The following PCDHGA10 variants were observed in gnomAD, a reference collection of about 807,000 sequenced individuals.
PCDHGA10 encodes protocadherin gamma subfamily A, 10.
PCDHGA10 carries 42 observed loss-of-function variants against 59.5 expected under a neutral mutation model. That is an observed-to-expected ratio of 0.71 (90% CI 0.55 to 0.91). The LOEUF is 0.91. Among genes scored for constraint, PCDHGA10 ranks in the 40% least tolerant of loss-of-function variants. PCDHGA10 has a pLI of 0.00. For missense variants in PCDHGA10, 1,111 were observed against 1,198.2 expected, an observed-to-expected ratio of 0.93 and a Z score of 1.07; for synonymous variants, 511 against 517.2, an observed-to-expected ratio of 0.99 and a Z score of 0.16.
Position 141,485,730 on chromosome 5 carries a change from G to A in PCDHGA10, c.2437-9077G>A. On this transcript the variant is annotated intron_variant, in intron 1 of 3. Coordinates refer to ENST00000398610, the MANE Select transcript of PCDHGA10 (RefSeq NM_018913.3). This position sits in a 1 kb window ranked among gnomAD's most constrained non-coding sequence, Gnocchi z 5.7. ...TTTGCACTGGATGTGAAGAAGCGCA[G>A]CGACGGCAGCCTGGTCCCAGAGCTG... is the stretch of plus-strand genomic sequence containing the variant. 1 of 1,614,200 alleles carries A rather than the reference G, an allele frequency of 6.2e-7. No individual in the cohort carries two copies. Among genetic ancestry groups the A allele is most frequent in the Non-Finnish European group, 8.5e-7 (1 of 1,180,024 alleles).
chr5:141,470,379 A>G (rs1210709847), intron 1 of PCDHGA10, among the ~76,000 whole-genome samples: 1 of 152,086 alleles, frequency 6.6e-6, no homozygotes, highest in East Asian at 1.9e-4. Flanking sequence ...TGGAAAGACT[A>G]CTCGATGATA....
rs2099394923 is a variant in PCDHGA10 at position 141,476,611 on chromosome 5, A to G, written c.2437-18196A>G. On this transcript the variant is annotated intron_variant, in intron 1 of 3. Coordinates refer to ENST00000398610, the MANE Select transcript of PCDHGA10 (RefSeq NM_018913.3). The surrounding 1 kb of genome is among the most constrained non-coding windows in gnomAD (Gnocchi z 7.6). ...AGAGCGCGCACGATCCCGATGTGGG[A>G]AGCAACTCTTTACAAACCTATGAGC... 6.2e-7 allele frequency: 1 copy of G among 1,614,092 alleles called. No individual in the cohort carries two copies. Among genetic ancestry groups the G allele is most frequent in the Non-Finnish European group, 8.5e-7 (1 of 1,180,042 alleles).
chr5:141,441,725 C>A, intron 1 of PCDHGA10: 1 of 352,450 alleles, frequency 2.8e-6, no homozygotes. Flanking sequence ...AGGCCCGCGA[C>A]CAGGACTAGC....
At chr5:141,467,352 C>A (rs2099142466) in intron 1 of PCDHGA10, among the ~76,000 whole-genome samples, 1 of 152,140 alleles carries the variant, frequency 6.6e-6, no homozygotes, top group South Asian at 2.1e-4. Context: ...TGCCCCCGGC[C>A]AAATCAACGT....
chr5:141,413,468 A>C lies in PCDHGA10; in HGVS notation c.293A>C (p.Glu98Ala). The change falls in exon 1 of 4, where the codon GAG (glutamate) becomes GCG (alanine). Residue 98 changes from glutamate to alanine, a missense_variant. Transcript: ENST00000398610. ...LITAGRIDRE[E>A]LCAQSARCVV... Reference sequence around the variant, plus strand: ...ACCGCGGGCAGGATAGACCGGGAGGAGCTCTGCGCTCAGAGCGCGCGGTGC... The same window carrying C: ...ACCGCGGGCAGGATAGACCGGGAGGCGCTCTGCGCTCAGAGCGCGCGGTGC... 1 of 1,614,072 alleles carries C rather than the reference A, an allele frequency of 6.2e-7. No homozygotes were observed. Among genetic ancestry groups the C allele is most frequent in the South Asian group, 1.1e-5 (1 of 91,088 alleles).
rs1283050252 is a variant in PCDHGA10, at chr5:141,512,909, T to G, written c.*1736T>G. ...CCTCTTCCTGTGTCTCACGCAAGTT[T>G]TATACTCTAATATTTATATGGCTTT... On this transcript the variant is annotated 3_prime_UTR_variant, in exon 4 of 4. Coordinates refer to ENST00000398610, the MANE Select transcript of PCDHGA10 (RefSeq NM_018913.3). 6.6e-6 allele frequency: 1 copy of G among 152,268 alleles called. No homozygotes were observed. The highest frequency in any genetic ancestry group is 1.5e-5 in the Non-Finnish European group (1 of 68,056). 9.4% of individuals were successfully genotyped at this position (152,268 alleles called of 1,614,324 possible).
At chr5:141,420,006 G>T in intron 1 of PCDHGA10, 1 of 1,614,052 alleles carries the variant, frequency 6.2e-7, no homozygotes, top group Non-Finnish European at 8.5e-7. Flanking sequence ...CTACGCCTGC[G>T]ACAGTCTTTC....
At chr5:141,415,767 T>TTTTTTTTTTTTTTTTTTTTTG (rs2095942916) in intron 1 of PCDHGA10, 156 bp downstream of exon 1, 1 of 1,300,668 alleles carries the variant, frequency 7.7e-7, no homozygotes, top group African/African-American at 1.8e-5. Flanking sequence ...TTTTTTTTTT[T>TTTTTTTTTTTTTTTTTTTTTG]TTTTTACTTT....
intron 1 of PCDHGA10, chr5:141,492,018 G>A: frequency 1.7e-6 from 1 of 585,594 alleles, no homozygotes; most frequent in Admixed American, 3.7e-5. Flanking sequence ...GGGTGTCGGG[G>A]GTCCCGGGAG....
chr5:141,418,125 G>C, intron 1 of PCDHGA10: 1 of 1,614,086 alleles, frequency 6.2e-7, no homozygotes. Flanking sequence ...GTGAAGGACC[G>C]AATAGACCGT....
chr5:141,497,104 T>C (rs757158984), intron 2 of PCDHGA10, among the ~76,000 whole-genome samples: 44 of 151,910 alleles, frequency 2.9e-4, no homozygotes, highest in Non-Finnish European at 5.9e-4. Context: ...CAGAACTGCT[T>C]GAACCCGGAA....
rs903741318 is a variant in PCDHGA10, at chr5:141,454,939, C to G, written c.2436+39328C>G. On this transcript the variant is annotated intron_variant, in intron 1 of 3. Coordinates refer to ENST00000398610, the MANE Select transcript of PCDHGA10 (RefSeq NM_018913.3). ...TCTCCTGCCTCAGCCTCCCGAGTAG[C>G]TGGGACTACAGGCGCCGGCCACCAC... 6.0e-5 allele frequency among the ~76,000 whole-genome samples: 9 copies of G among 150,982 alleles called. No homozygotes were observed. The East Asian group carries it at 1.8e-3, about 30-fold the overall frequency.
At chr5:141,428,754 T>C (rs932377392) in intron 1 of PCDHGA10, 7 of 154,708 alleles carry the variant, frequency 4.5e-5, no homozygotes, top group African/African-American at 1.4e-4. Context: ...TTGCTTCAGG[T>C]TTGTTTGCCC....
At chr5:141,457,330 A>G (rs2098916985) in intron 1 of PCDHGA10, among the ~76,000 whole-genome samples, 1 of 152,174 alleles carries the variant, frequency 6.6e-6, no homozygotes, top group Non-Finnish European at 1.5e-5. Flanking sequence ...GGTTACAGGT[A>G]CCTTACTTAC....
intron 2 of PCDHGA10, among the ~76,000 whole-genome samples, chr5:141,503,977 CCTT>C (rs1012021012): frequency 1.3e-5 from 2 of 152,250 alleles, no homozygotes; most frequent in Admixed American, 1.3e-4. Flanking sequence ...GGTGCCAAAC[CCTT>C]CTTCTTACCT....
chr5:141,506,277 T>C (rs905595521), intron 3 of PCDHGA10, among the ~76,000 whole-genome samples: 1 of 152,050 alleles, frequency 6.6e-6, no homozygotes. Flanking sequence ...AGTGAAACCC[T>C]GTCTCTACTA....
At chr5:141,428,188 G>T in intron 1 of PCDHGA10, 1 of 1,433,356 alleles carries the variant, frequency 7.0e-7, no homozygotes. Flanking sequence ...GACAGCCGCC[G>T]CTCTCTGCGC....
At chr5:141,463,981 A>G (rs1441851777) in intron 1 of PCDHGA10, among the ~76,000 whole-genome samples, 1 of 152,150 alleles carries the variant, frequency 6.6e-6, no homozygotes, top group Non-Finnish European at 1.5e-5. Context: ...ACTCCATTGT[A>G]AAAACCAGGT....
intron 1 of PCDHGA10, among the ~76,000 whole-genome samples, chr5:141,457,319 G>A (rs914658873): frequency 7.9e-5 from 12 of 152,086 alleles, no homozygotes; most frequent in East Asian, 3.8e-4. Flanking sequence ...AGAAACCTCC[G>A]GGTTACAGGT....
Sources: allele counts gnomAD v4.1 joint callset (sites outside exome capture counted in the v4.1 genomes callset), GRCh38; gene constraint gnomAD v4.1.1; non-coding constraint Gnocchi (gnomAD v3.1); transcripts MANE v1.5; gene names NCBI Gene and HGNC (gene_info 2026-07-23, HGNC 2026-07-21).